The following TBC1D22A variants were observed in gnomAD, a reference collection of about 807,000 sequenced individuals.
TBC1D22A encodes putative GTPase activator.
In TBC1D22A, 38 loss-of-function variants were observed where a neutral mutation model predicts 60.2. The ratio of observed to expected loss-of-function variants is 0.63; its 90% CI spans 0.49 to 0.83. The LOEUF (loss-of-function observed/expected upper bound fraction) is 0.83. TBC1D22A is among the 40% of genes least tolerant of loss of function. The pLI is 0.00. For synonymous variants in TBC1D22A, 302 were observed against 281.7 expected (o/e 1.07, Z -0.72); for missense variants, 628 against 701.0 (o/e 0.90, Z 1.18).
intron 11 of TBC1D22A, among the ~76,000 whole-genome samples, chr22:47,100,215 G>A (rs920986742): frequency 6.6e-6 from 1 of 152,106 alleles, no homozygotes; most frequent in Non-Finnish European, 1.5e-5. Flanking sequence ...GGGCACAGGG[G>A]TGAGGTGTCA....
At chr22:47,090,670 G>A (rs8136236) in intron 11 of TBC1D22A, among the ~76,000 whole-genome samples, 4,347 of 152,258 alleles carry the variant, frequency 0.029, 188 homozygotes, top group African/African-American at 0.098. Context: ...TGACAGTAGC[G>A]GGGAGGGGGT....
chr22:46,786,617 A>G (rs973983519), intron 1 of TBC1D22A, among the ~76,000 whole-genome samples: 46 of 152,222 alleles, frequency 3.0e-4, no homozygotes, highest in African/African-American at 1.1e-3. Flanking sequence ...GGTAGAATTT[A>G]CCAGTGAATC....
intron 7 of TBC1D22A, among the ~76,000 whole-genome samples, chr22:46,906,000 G>A (rs1207742812): frequency 1.3e-5 from 2 of 152,168 alleles, no homozygotes; most frequent in Non-Finnish European, 2.9e-5. Flanking sequence ...TTCCTGGTGG[G>A]TGGTGGGAGG....
intron 10 of TBC1D22A, among the ~76,000 whole-genome samples, chr22:47,017,793 T>C (rs2061956771): frequency 6.6e-6 from 1 of 152,228 alleles, no homozygotes; most frequent in African/African-American, 2.4e-5. Context: ...TATGTAATGG[T>C]GATGAATAAA....
chr22:47,162,494 C>T (rs74356500), intron 12 of TBC1D22A, among the ~76,000 whole-genome samples: 343 of 152,288 alleles, frequency 2.3e-3, no homozygotes, highest in African/African-American at 7.9e-3. Context: ...TAGCCATTGG[C>T]CTCGGCAGCT....
intron 12 of TBC1D22A, among the ~76,000 whole-genome samples, chr22:47,146,575 G>T (rs919574587): frequency 2.6e-5 from 4 of 152,212 alleles, no homozygotes; most frequent in Admixed American, 2.6e-4. Flanking sequence ...CACCGATGCC[G>T]CTCTGTAATC....
At chr22:47,011,031 G>C (rs1388181677) in intron 10 of TBC1D22A, among the ~76,000 whole-genome samples, 4 of 152,138 alleles carry the variant, frequency 2.6e-5, no homozygotes, top group Non-Finnish European at 4.4e-5. Flanking sequence ...CTGTATCATT[G>C]TGCTGACTTT....
At chr22:46,784,685 C>T (rs565897392) in intron 1 of TBC1D22A, among the ~76,000 whole-genome samples, 1 of 152,136 alleles carries the variant, frequency 6.6e-6, no homozygotes, top group Admixed American at 6.5e-5. Flanking sequence ...CAAATAGTGG[C>T]CAGTAGGCCA....
intron 10 of TBC1D22A, among the ~76,000 whole-genome samples, chr22:47,032,993 G>C (rs145270441): frequency 6.6e-6 from 1 of 152,222 alleles, no homozygotes; most frequent in Admixed American, 6.5e-5. Flanking sequence ...TGTCGCTGTC[G>C]TCCTGGCTGC....
rs1484730625 is a variant in TBC1D22A at position 46,779,785 on chromosome 22, A to G, written c.63-12735A>G. Among the ~76,000 whole-genome samples the G allele has an allele frequency of 2.0e-5, 3 of 152,214 alleles. No individual in the cohort carries two copies. In the East Asian group the frequency reaches 5.8e-4, roughly 29 times the overall value. On this transcript the variant is annotated intron_variant, in intron 1 of 12. Coordinates refer to ENST00000337137, the MANE Select transcript of TBC1D22A (RefSeq NM_014346.5). The stretch of plus-strand genomic sequence containing the variant: ...TGAGACAAAATGCAGCCCCTGTAGC[A>G]GGGAGTTTGTGGTCCAGAAGCAGCA...
At chr22:46,855,438 T>C (rs1405657131) in intron 4 of TBC1D22A, among the ~76,000 whole-genome samples, 1 of 152,128 alleles carries the variant, frequency 6.6e-6, no homozygotes, top group Non-Finnish European at 1.5e-5. Flanking sequence ...AACACGGGGA[T>C]GTGGGAGGTA....
chr22:47,171,474 A>G (rs11913501), intron 12 of TBC1D22A, among the ~76,000 whole-genome samples: 2,319 of 152,264 alleles, frequency 0.015, 76 homozygotes, highest in African/African-American at 0.052. Flanking sequence ...CCACAGGGCC[A>G]TCTGAGCAGT....
At chr22:46,983,008 C>T (rs1052304356) in intron 9 of TBC1D22A, among the ~76,000 whole-genome samples, 3 of 152,214 alleles carry the variant, frequency 2.0e-5, no homozygotes, top group African/African-American at 7.2e-5. Context: ...CAGTAAGAAG[C>T]ATTATGTAGG....
At chr22:46,952,647 G>T (rs567426843) in intron 8 of TBC1D22A, among the ~76,000 whole-genome samples, 40 of 152,304 alleles carry the variant, frequency 2.6e-4, no homozygotes, top group African/African-American at 9.1e-4. Flanking sequence ...GCTCCTTGAA[G>T]ATGCTGGTAC....
At chr22:46,874,481 CATT>C (rs975339342) in intron 4 of TBC1D22A, among the ~76,000 whole-genome samples, 3 of 147,650 alleles carry the variant, frequency 2.0e-5, no homozygotes, top group African/African-American at 7.5e-5. Flanking sequence ...GATGGTATCT[CATT>C]GTGGTTTTGA....
At chr22:46,941,870 G>A (rs1569249971) in intron 8 of TBC1D22A, among the ~76,000 whole-genome samples, 1 of 66,050 alleles carries the variant, frequency 1.5e-5, no homozygotes, top group Non-Finnish European at 3.6e-5. Flanking sequence ...TAGAATATAT[G>A]TGTATAGAAT....
At chr22:46,883,854 TC>T (rs1340062374) in intron 5 of TBC1D22A, among the ~76,000 whole-genome samples, 3 of 152,214 alleles carry the variant, frequency 2.0e-5, no homozygotes, top group Non-Finnish European at 4.4e-5. Flanking sequence ...TCCTCTGTGC[TC>T]CGTCTCTTTC....
intron 9 of TBC1D22A, among the ~76,000 whole-genome samples, 169 bp from the exon 10 acceptor site, chr22:46,997,465 C>A (rs563587676): frequency 6.6e-5 from 10 of 152,236 alleles, no homozygotes; most frequent in Non-Finnish European, 1.3e-4. Flanking sequence ...CAGTCAGCGG[C>A]GCTGTGCTGT....
chr22:46,913,499 T>C (rs1288725908), intron 8 of TBC1D22A: 31 of 1,304,784 alleles, frequency 2.4e-5, no homozygotes, highest in Non-Finnish European at 3.0e-5. Flanking sequence ...TGTGATTTCA[T>C]AGGAGGTTGT....
Sources: allele counts gnomAD v4.1 joint callset (sites outside exome capture counted in the v4.1 genomes callset), GRCh38; gene constraint gnomAD v4.1.1; transcripts MANE v1.5; gene names NCBI Gene and HGNC (gene_info 2026-07-23, HGNC 2026-07-21).